Variants in VPS13D observed in about 807,000 individuals in gnomAD.
VPS13D encodes the protein vacuolar protein sorting 13 homolog D.
VPS13D carries 187 observed loss-of-function variants against 461.9 expected under a neutral mutation model. The ratio of observed to expected loss-of-function variants is 0.40; its 90% CI spans 0.36 to 0.46. The LOEUF is 0.46. Among genes scored for constraint, VPS13D ranks in the 20% least tolerant of loss-of-function variants. The probability of loss-of-function intolerance (pLI) is 0.60; values close to 1 mark genes in which losing one functional copy is unlikely to be tolerated. For missense variants in VPS13D, 4,711 were observed against 5,364.9 expected, an observed-to-expected ratio of 0.88 and a Z score of 3.81; for synonymous variants, 1,951 against 1,986.3, an observed-to-expected ratio of 0.98 and a Z score of 0.47.
chr1:12,433,253 T>C (rs1336086306), intron 65 of VPS13D, among the ~76,000 whole-genome samples: 4 of 148,408 alleles, frequency 2.7e-5, no homozygotes, highest in African/African-American at 1.0e-4. Flanking sequence ...TCTGGAACGC[T>C]TGGGGAAAAA....
intron 26 of VPS13D, among the ~76,000 whole-genome samples, chr1:12,307,232 A>G (rs1326008524): frequency 6.6e-6 from 1 of 152,238 alleles, no homozygotes; most frequent in Non-Finnish European, 1.5e-5. Context: ...GACATTGAGC[A>G]TTTAAATATT....
At chr1:12,272,748 ATCTT>A (rs1478908871) in intron 17 of VPS13D, among the ~76,000 whole-genome samples, 2 of 152,180 alleles carry the variant, frequency 1.3e-5, no homozygotes, top group Non-Finnish European at 2.9e-5. Flanking sequence ...TAGAAACAAA[ATCTT>A]TCTTAAGTAC....
At chr1:12,443,253 C>G (rs1052789949) in intron 65 of VPS13D, among the ~76,000 whole-genome samples, 6 of 152,138 alleles carry the variant, frequency 3.9e-5, no homozygotes, top group African/African-American at 1.2e-4. Flanking sequence ...CTTTTGTGAC[C>G]TTTTGTCACT....
chr1:12,504,567 C>T (rs1038875987), intron 68 of VPS13D, among the ~76,000 whole-genome samples: 2 of 152,136 alleles, frequency 1.3e-5, no homozygotes, highest in African/African-American at 2.4e-5. Flanking sequence ...CAGGGATTAC[C>T]CTCTCCATCA....
chr1:12,480,724 T>C (rs1442406126), intron 67 of VPS13D, among the ~76,000 whole-genome samples: 2 of 152,210 alleles, frequency 1.3e-5, no homozygotes, highest in Non-Finnish European at 2.9e-5. Flanking sequence ...AAAAATGCCA[T>C]GAGGTAGCCA....
Position 12,276,744 on chromosome 1 carries a change from A to T in VPS13D, c.3156A>T (p.Leu1052Phe). 6.2e-7 allele frequency: 1 copy of T among 1,614,190 alleles called. No homozygotes were observed. Among genetic ancestry groups the T allele is most frequent in the Non-Finnish European group, 8.5e-7 (1 of 1,180,022 alleles). The change falls in exon 19 of 70, where the codon TTA (leucine) becomes TTT (phenylalanine). Residue 1052 changes from leucine to phenylalanine, a missense_variant. Transcript: ENST00000620676. This position sits in a 1 kb window ranked among gnomAD's most constrained non-coding sequence, Gnocchi z 4.5. ...SPVSGPNVAHLTDGATLNDRS... is the reference protein window; with the variant it reads ...SPVSGPNVAHFTDGATLNDRS... Reference sequence around the variant, plus strand: ...TCTCTGGACCGAATGTGGCCCACTTAACTGATGGAGCTACACTGAACGACC... The same window carrying T: ...TCTCTGGACCGAATGTGGCCCACTTTACTGATGGAGCTACACTGAACGACC...
intron 66 of VPS13D, among the ~76,000 whole-genome samples, chr1:12,458,552 CG>C (rs1369866067): frequency 6.6e-6 from 1 of 151,446 alleles, no homozygotes; most frequent in Non-Finnish European, 1.5e-5. Flanking sequence ...GGGTGATAGA[CG>C]GACACCCTGT....
intron 3 of VPS13D, 129 bp from the exon 4 acceptor site, chr1:12,244,117 T>C: frequency 1.2e-6 from 1 of 867,056 alleles, no homozygotes; most frequent in South Asian, 1.9e-5. Context: ...GCCTGCTGCC[T>C]GTTGTTTTAA....
chr1:12,404,055 TTGTG>T, intron 63 of VPS13D, 82 bp downstream of exon 63: 3 of 1,344,032 alleles, frequency 2.2e-6, no homozygotes, highest in East Asian at 5.2e-5. Context: ...TTGTTTGTTG[TTGTG>T]TGTGTGTGTG....
At chr1:12,349,852 G>A (rs538673654) in intron 46 of VPS13D, among the ~76,000 whole-genome samples, 5 of 151,994 alleles carry the variant, frequency 3.3e-5, no homozygotes, top group Non-Finnish European at 5.9e-5. Flanking sequence ...CCCATTATAC[G>A]GGAGTATGTT....
rs779572060 is a variant in VPS13D, at chr1:12,386,248, G to C, written c.11548G>C (p.Val3850Leu). The change falls in exon 60 of 70, where the codon GTC (valine) becomes CTC (leucine). Residue 3850 changes from valine to leucine, a missense_variant. Around this residue, in one of 3 missense-constraint regions of VPS13D, gnomAD observed 4,411 missense variants for 4,937.8 expected, o/e 0.89. Transcript: ENST00000620676. The part of the protein sequence containing the change: ...SLINKVPEEL[V>L]FASLTGINVH... ...AATTAATAAAGTCCCAGAAGAACTG[G>C]TCTTTGCAAGTCTTACAGGAATCAA... 6.2e-6 allele frequency: 10 copies of C among 1,613,660 alleles called. No homozygotes were observed. The highest frequency in any genetic ancestry group is 7.6e-6 in the Non-Finnish European group (9 of 1,179,878).
At chr1:12,382,243 A>G (rs900328237) in intron 57 of VPS13D, among the ~76,000 whole-genome samples, 2 of 152,116 alleles carry the variant, frequency 1.3e-5, no homozygotes, top group South Asian at 4.2e-4. Context: ...CTGGGATTAC[A>G]GTTGCCTGCA....
chr1:12,288,389 T>C, intron 22 of VPS13D, 76 bp downstream of exon 22: 1 of 1,286,956 alleles, frequency 7.8e-7, no homozygotes, highest in South Asian at 1.2e-5. Flanking sequence ...ACAAATTGAT[T>C]GTCCTCACGT....
At chr1:12,430,391 A>C (rs997758653) in intron 65 of VPS13D, among the ~76,000 whole-genome samples, 2 of 152,036 alleles carry the variant, frequency 1.3e-5, no homozygotes, top group Non-Finnish European at 1.5e-5. Context: ...GGCTCTTTAC[A>C]GCCCCAAGCT....
At chr1:12,319,364 C>G (rs1285579911) in intron 31 of VPS13D, 133 bp from the exon 32 acceptor site, 2 of 1,276,936 alleles carry the variant, frequency 1.6e-6, no homozygotes, top group African/African-American at 1.5e-5. Flanking sequence ...TAAATGTCAG[C>G]AGACATTTTG....
At chr1:12,298,927 T>G (rs1445010787) in intron 24 of VPS13D, among the ~76,000 whole-genome samples, 1 of 152,240 alleles carries the variant, frequency 6.6e-6, no homozygotes, top group Non-Finnish European at 1.5e-5. Context: ...TATGTCTTCC[T>G]TATCATTTTA....
At chr1:12,347,264 G>A (rs192116253) in intron 44 of VPS13D, among the ~76,000 whole-genome samples, 23 of 151,924 alleles carry the variant, frequency 1.5e-4, no homozygotes, top group Non-Finnish European at 2.6e-4. Flanking sequence ...TCCGCCCCCC[G>A]GGTTCAAGCA....
At chr1:12,472,111 T>G (rs1489950777) in intron 67 of VPS13D, among the ~76,000 whole-genome samples, 2 of 152,242 alleles carry the variant, frequency 1.3e-5, no homozygotes, top group Non-Finnish European at 2.9e-5. Flanking sequence ...ACTATAGCAG[T>G]ACTATTCTGA....
At chr1:12,287,130 G>A (rs1029779461) in intron 21 of VPS13D, among the ~76,000 whole-genome samples, 2 of 152,066 alleles carry the variant, frequency 1.3e-5, no homozygotes, top group African/African-American at 4.8e-5. Flanking sequence ...CAAAGTGCTG[G>A]GATTACAGGT....
Sources: gnomAD v4.1 joint callset for allele counts (sites outside exome capture counted in the v4.1 genomes callset) on GRCh38, gnomAD v4.1.1 for gene constraint, gnomAD v4.1.1 regional missense constraint, Gnocchi (gnomAD v3.1) non-coding constraint, MANE v1.5 for transcripts, NCBI Gene and HGNC (gene_info 2026-07-23, HGNC 2026-07-21) for gene names.